The following IGSF3 variants were observed in gnomAD, a reference collection of about 807,000 sequenced individuals.
IGSF3 encodes the protein immunoglobulin superfamily member 3.
Under a neutral mutation model 114.4 loss-of-function variants are expected in IGSF3, and 23 were observed. The ratio of observed to expected loss-of-function variants is 0.20; its 90% CI spans 0.14 to 0.28. IGSF3 has a LOEUF of 0.28. Ranked by LOEUF, IGSF3 falls within the 10% of genes least tolerant of loss-of-function variation. The pLI, the probability that IGSF3 is intolerant of heterozygous loss-of-function variation, is 1.00. For synonymous variants in IGSF3, 571 were observed against 645.2 expected, an observed-to-expected ratio of 0.88 and a Z score of 1.74; for missense variants, 1,172 against 1,591.5, an observed-to-expected ratio of 0.74 and a Z score of 4.48.
intron 7 of IGSF3, among the ~76,000 whole-genome samples, chr1:116,597,613 C>T (rs567270757): frequency 1.9e-4 from 29 of 152,328 alleles, no homozygotes; most frequent in African/African-American, 6.7e-4. Context: ...TCTCCTCTGC[C>T]AACCACTGTT....
At chr1:116,619,980 T>C (rs944541254) in intron 2 of IGSF3, among the ~76,000 whole-genome samples, 1 of 151,822 alleles carries the variant, frequency 6.6e-6, no homozygotes, top group Non-Finnish European at 1.5e-5. Context: ...CCCAGTCCTC[T>C]GCAATGAGTA....
Position 116,579,573 on chromosome 1 carries a change from G to T in IGSF3, c.3153C>A (p.Gly1051=), listed in dbSNP as rs146558055. ...VFGPEGSPWE[G]RLRFQRLSPV... is the part of the protein sequence containing the mutation. The stretch of plus-strand genomic sequence containing the variant: ...GGGAGAGCCTCTGGAAGCGAAGCCT[G>T]CCCTCCCAAGGACTGCCCTCTGGGC... The change falls in exon 10 of 11, where the codon GGC becomes GGA. Residue 1051 remains glycine (G), a synonymous_variant. Transcript: ENST00000369486. This position sits in a 1 kb window ranked among gnomAD's most constrained non-coding sequence, Gnocchi z 6.4. 4 of 1,614,206 alleles carry T rather than the reference G, an allele frequency of 2.5e-6. No homozygotes were observed. The highest frequency in any genetic ancestry group is 8.5e-7 in the Non-Finnish European group (1 of 1,180,044).
intron 2 of IGSF3, among the ~76,000 whole-genome samples, chr1:116,659,939 C>G (rs1649041297): frequency 6.6e-6 from 1 of 151,888 alleles, no homozygotes; most frequent in African/African-American, 2.4e-5. Flanking sequence ...AAATATTAAT[C>G]AAGGAGTCAT....
In IGSF3 at chr1:116,634,623, G is replaced by A. The variant is rs969758201; in HGVS notation, c.44-18166C>T. On this transcript the variant is annotated intron_variant, in intron 2 of 10. Coordinates refer to ENST00000369486, the MANE Select transcript of IGSF3 (RefSeq NM_001007237.3). The surrounding 1 kb of genome is among the most constrained non-coding windows in gnomAD (Gnocchi z 4.2). Reference sequence around the variant, plus strand: ...TTGTTCATGCAATTTCCCCACCTGAGACAAAATGTATTTCCCAAAGTTGGC... The same window carrying A: ...TTGTTCATGCAATTTCCCCACCTGAAACAAAATGTATTTCCCAAAGTTGGC... 8.5e-5 allele frequency among the ~76,000 whole-genome samples: 13 copies of A among 152,192 alleles called. No homozygotes were observed. The highest frequency in any genetic ancestry group is 1.7e-4 in the African/African-American group (7 of 41,432).
chr1:116,627,944 A>T lies in IGSF3; in HGVS notation c.44-11487T>A, dbSNP rs887602459. Reference sequence around the variant, plus strand: ...CCTTCAGCTCTTCACCCTGGAAAGCACTCCGGTACAAAACAGGAATATTCC... The same window carrying T: ...CCTTCAGCTCTTCACCCTGGAAAGCTCTCCGGTACAAAACAGGAATATTCC... On this transcript the variant is annotated intron_variant, in intron 2 of 10. Coordinates refer to ENST00000369486, the MANE Select transcript of IGSF3 (RefSeq NM_001007237.3). This position sits in a 1 kb window ranked among gnomAD's most constrained non-coding sequence, Gnocchi z 4.7. Among the ~76,000 whole-genome samples, 1 of 152,144 alleles carries T rather than the reference A, an allele frequency of 6.6e-6. No homozygotes were observed. The highest frequency in any genetic ancestry group is 2.4e-5 in the African/African-American group (1 of 41,408).
At chr1:116,653,590 G>C (rs1203515116) in intron 2 of IGSF3, among the ~76,000 whole-genome samples, 1 of 152,202 alleles carries the variant, frequency 6.6e-6, no homozygotes, top group Non-Finnish European at 1.5e-5. Flanking sequence ...ACGTGCATCA[G>C]AGTCTCTTTC....
rs1247262521 is a variant in IGSF3, at chr1:116,598,764, G to C, written c.2029+1177C>G. 6.6e-6 allele frequency among the ~76,000 whole-genome samples: 1 copy of C among 152,166 alleles called. No homozygotes were observed. The highest frequency in any genetic ancestry group is 1.5e-5 in the Non-Finnish European group (1 of 68,028). On this transcript the variant is annotated intron_variant, in intron 7 of 10. Coordinates refer to ENST00000369486, the MANE Select transcript of IGSF3 (RefSeq NM_001007237.3). This position sits in a 1 kb window ranked among gnomAD's most constrained non-coding sequence, Gnocchi z 4.3. Reference sequence around the variant, plus strand: ...CGAGGCATGGGCTGGGCGAGGGAAGGAACACGGGAGCCTACTGCCTGGGCT... The same window carrying C: ...CGAGGCATGGGCTGGGCGAGGGAAGCAACACGGGAGCCTACTGCCTGGGCT...
intron 4 of IGSF3, among the ~76,000 whole-genome samples, chr1:116,609,503 A>AT (rs1233952020): frequency 6.6e-6 from 1 of 152,098 alleles, no homozygotes; most frequent in African/African-American, 2.4e-5. Flanking sequence ...GTGGCTATTA[A>AT]TCTCATTAGA....
At position 116,654,674 on chromosome 1, in the gene IGSF3, G is replaced by C. The variant is rs1037738508; in HGVS notation, c.43+11610C>G. Reference sequence around the variant, plus strand: ...CTGGTATGGACGGTGTCTCCTCTCTGGTGGGAAGTATGTGATTTCTCTATT... The same window carrying C: ...CTGGTATGGACGGTGTCTCCTCTCTCGTGGGAAGTATGTGATTTCTCTATT... On this transcript the variant is annotated intron_variant, in intron 2 of 10. Coordinates refer to ENST00000369486, the MANE Select transcript of IGSF3 (RefSeq NM_001007237.3). This position sits in a 1 kb window ranked among gnomAD's most constrained non-coding sequence, Gnocchi z 4.4. Among the ~76,000 whole-genome samples, 1 of 152,102 alleles carries C rather than the reference G, an allele frequency of 6.6e-6. No homozygotes were observed. The highest frequency in any genetic ancestry group is 2.4e-5 in the African/African-American group (1 of 41,396).
At chr1:116,597,052 A>G (rs1660372682) in intron 7 of IGSF3, among the ~76,000 whole-genome samples, 1 of 152,252 alleles carries the variant, frequency 6.6e-6, no homozygotes, top group Non-Finnish European at 1.5e-5. Context: ...CTCTGATTAC[A>G]TAGCCTTTAA....
chr1:116,616,941 A>C lies in IGSF3; in HGVS notation c.44-484T>G, dbSNP rs1476729273. Reference sequence around the variant, plus strand: ...GAGGGAGTCCTGGGAGCACCTTTTTACTGGTGCTGCACCCTTCAATTTCCC... The same window carrying C: ...GAGGGAGTCCTGGGAGCACCTTTTTCCTGGTGCTGCACCCTTCAATTTCCC... On this transcript the variant is annotated intron_variant, in intron 2 of 10. Transcript: ENST00000369486. This position sits in a 1 kb window ranked among gnomAD's most constrained non-coding sequence, Gnocchi z 6.6. Among the ~76,000 whole-genome samples the C allele has an allele frequency of 6.6e-6, 1 of 152,030 alleles. No homozygotes were observed. The highest frequency in any genetic ancestry group is 2.4e-5 in the African/African-American group (1 of 41,396).
At position 116,654,931 on chromosome 1, in the gene IGSF3, AC is replaced by A. The variant is rs1316546129; in HGVS notation, c.43+11352del. ...TATTCATCATCTTACTCCTACAGAT[AC>A]CCCCTCTTCCTGGTGGCACCGGGCA... On this transcript the variant is annotated intron_variant, in intron 2 of 10. Coordinates refer to ENST00000369486, the MANE Select transcript of IGSF3 (RefSeq NM_001007237.3). This position sits in a 1 kb window ranked among gnomAD's most constrained non-coding sequence, Gnocchi z 4.4. Among the ~76,000 whole-genome samples, 1 of 152,002 alleles carries A rather than the reference AC, an allele frequency of 6.6e-6. No homozygotes were observed. The highest frequency in any genetic ancestry group is 2.4e-5 in the African/African-American group (1 of 41,354).
At position 116,603,302 on chromosome 1, in the gene IGSF3, G is replaced by A; in HGVS notation, c.1624+322C>T. Among the ~76,000 whole-genome samples the A allele has an allele frequency of 6.6e-6, 1 of 152,122 alleles. No individual in the cohort carries two copies. The highest frequency in any genetic ancestry group is 1.5e-5 in the Non-Finnish European group (1 of 68,002). On this transcript the variant is annotated intron_variant, in intron 6 of 10. Transcript: ENST00000369486. The surrounding 1 kb of genome is among the most constrained non-coding windows in gnomAD (Gnocchi z 7.1). Reference sequence around the variant, plus strand: ...CACCTGGGGCCACCACTATGGCTGGGTGGCTTCACTAACCTGGATAGAGTT... The same window carrying A: ...CACCTGGGGCCACCACTATGGCTGGATGGCTTCACTAACCTGGATAGAGTT...
At chr1:116,640,075 G>A (rs1184985546) in intron 2 of IGSF3, among the ~76,000 whole-genome samples, 8 of 148,288 alleles carry the variant, frequency 5.4e-5, no homozygotes, top group Non-Finnish European at 1.2e-4. Flanking sequence ...AGAAAGAAAG[G>A]AAGGAAGAAG....
At chr1:116,645,863 C>G (rs897001686) in intron 2 of IGSF3, among the ~76,000 whole-genome samples, 1 of 152,196 alleles carries the variant, frequency 6.6e-6, no homozygotes, top group Non-Finnish European at 1.5e-5. Flanking sequence ...TGGGGAGAAC[C>G]AGGACAGCGG....
chr1:116,593,183 C>T lies in IGSF3; in HGVS notation c.2030-4079G>A, dbSNP rs1033087684. 3.3e-5 allele frequency among the ~76,000 whole-genome samples: 5 copies of T among 152,208 alleles called. No individual in the cohort carries two copies. Among genetic ancestry groups the T allele is most frequent in the Admixed American group, 2.0e-4 (3 of 15,286 alleles). On this transcript the variant is annotated intron_variant, in intron 7 of 10. Transcript: ENST00000369486. The surrounding 1 kb of genome is among the most constrained non-coding windows in gnomAD (Gnocchi z 4.5). ...CAGATCAGCATCACCTGGGAATCTG[C>T]CAGCCCCTGCTAAGTCAGAAAAACT...
At chr1:116,626,659 C>G (rs610377) in intron 2 of IGSF3, among the ~76,000 whole-genome samples, 46,818 of 151,980 alleles carry the variant, frequency 0.31, 8,391 homozygotes, top group Non-Finnish European at 0.39. Flanking sequence ...CTATGCCATG[C>G]TTGGAACCAG....
At position 116,584,914 on chromosome 1, in the gene IGSF3, T is replaced by G. The variant is rs1244011605; in HGVS notation, c.2579A>C (p.Asn860Thr). 2 of 1,614,010 alleles carry G rather than the reference T, an allele frequency of 1.2e-6. No homozygotes were observed. The highest frequency in any genetic ancestry group is 1.7e-6 in the Non-Finnish European group (2 of 1,179,998). The change falls in exon 9 of 11, where the codon AAC becomes ACC. Residue 860 changes from asparagine (N) to threonine (T), a missense_variant. By Grantham distance (65) the Asn-to-Thr change is moderately conservative. Transcript: ENST00000369486. The surrounding 1 kb of genome is among the most constrained non-coding windows in gnomAD (Gnocchi z 5.8). ...LMVEWFVWKP[N>T]HPERETVARL... ...GGCCACAGTCTCCCGCTCAGGGTGGTTGGGCTTCCATACAAACCATTCCAC... is the reference window on the plus strand; with the variant it reads ...GGCCACAGTCTCCCGCTCAGGGTGGGTGGGCTTCCATACAAACCATTCCAC...
In IGSF3 at chr1:116,588,959, G is replaced by C; in HGVS notation, c.2175C>G (p.Ala725=). 6.2e-7 allele frequency: 1 copy of C among 1,614,200 alleles called. No homozygotes were observed. The highest frequency in any genetic ancestry group is 2.2e-5 in the East Asian group (1 of 44,886). The change falls in exon 8 of 11, where the codon GCC becomes GCG. Residue 725 remains alanine (A), a synonymous_variant. Coordinates refer to ENST00000369486, the MANE Select transcript of IGSF3 (RefSeq NM_001007237.3). The surrounding 1 kb of genome is among the most constrained non-coding windows in gnomAD (Gnocchi z 4.9). ...VLWYVHKPSD[A]DGKLILKTTH... is the part of the protein sequence containing the mutation. ...TGGTCTTCAGGATAAGCTTGCCATC[G>C]GCATCCGAGGGCTTGTGGACATACC...
Sources: allele counts gnomAD v4.1 joint callset (sites outside exome capture counted in the v4.1 genomes callset), GRCh38; gene constraint gnomAD v4.1.1; non-coding constraint Gnocchi (gnomAD v3.1); transcripts MANE v1.5; gene names NCBI Gene and HGNC (gene_info 2026-07-23, HGNC 2026-07-21).